Variants in UPRT observed in about 807,000 individuals in gnomAD.
UPRT encodes uracil phosphoribosyltransferase homolog.
In UPRT, 5 loss-of-function variants were observed where a neutral mutation model predicts 22.6. That is an observed-to-expected ratio of 0.22 (90% CI 0.12 to 0.47). The LOEUF (loss-of-function observed/expected upper bound fraction) is 0.47, where lower values mean the gene tolerates loss of function less well. Ranked by LOEUF, UPRT falls within the 20% of genes least tolerant of loss-of-function variation. The pLI is 0.99. For missense variants in UPRT, 181 were observed against 239.9 expected (o/e 0.75, Z 1.62); for synonymous variants, 77 against 87.7 (o/e 0.88, Z 0.68).
chrX:75,191,474 T>TGCTGAGAGAACCAC (rs61284215), intron 4 of UPRT, among the ~76,000 whole-genome samples: 5 of 106,292 alleles, frequency 4.7e-5, no homozygotes, highest in African/African-American at 1.7e-4. Flanking sequence ...TCAAACTCTG[T>TGCTGAGAGAACCAC]TACTCTCTTC....
chrX:75,172,576 A>C (rs2147604503), intron 4 of UPRT, among the ~76,000 whole-genome samples: 1 of 111,940 alleles, frequency 8.9e-6, no homozygotes, highest in African/African-American at 3.2e-5. Context: ...CACTGACTTC[A>C]AGAATGAAGC....
At chrX:75,282,461 C>A (rs1272915123) in intron 1 of UPRT, among the ~76,000 whole-genome samples, 1 of 110,533 alleles carries the variant, frequency 9.0e-6, no homozygotes, top group Non-Finnish European at 1.9e-5. Context: ...GAGGTTGTGT[C>A]ATTATTTGGG....
At chrX:75,185,615 C>T (rs2082287339) in intron 4 of UPRT, among the ~76,000 whole-genome samples, 2 of 111,923 alleles carry the variant, frequency 1.8e-5, no homozygotes, top group Non-Finnish European at 3.8e-5. Flanking sequence ...CCTCCTTGTA[C>T]CTCTGGTAGA....
chrX:75,232,098 G>C (rs966564881), intron 4 of UPRT, among the ~76,000 whole-genome samples: 1 of 111,417 alleles, frequency 9.0e-6, no homozygotes, highest in Non-Finnish European at 1.9e-5. Context: ...TGCATGAGCC[G>C]AAGCAGGGCG....
At chrX:75,273,302 C>T (rs781655308), upstream of UPRT, among the ~76,000 whole-genome samples, 2 of 109,129 alleles carry the variant, frequency 1.8e-5, no homozygotes, top group South Asian at 8.0e-4. Flanking sequence ...TGTAACAAAC[C>T]TGCACATATA....
chrX:75,250,640 G>T, intron 4 of UPRT, among the ~76,000 whole-genome samples: 1 of 111,114 alleles, frequency 9.0e-6, no homozygotes, highest in Non-Finnish European at 1.9e-5. Flanking sequence ...GTACAAGGAG[G>T]AGCTGGTACC....
At chrX:75,180,002 C>T (rs751621108) in intron 4 of UPRT, among the ~76,000 whole-genome samples, 2 of 112,654 alleles carry the variant, frequency 1.8e-5, no homozygotes, top group South Asian at 3.7e-4. Flanking sequence ...CCTCAAATGC[C>T]GCCAAACTGG....
intron 4 of UPRT, among the ~76,000 whole-genome samples, chrX:75,239,358 GA>G (rs1602468349): frequency 9.0e-6 from 1 of 110,959 alleles, no homozygotes; most frequent in African/African-American, 3.3e-5. Context: ...GAAAACTAGA[GA>G]AGGATACATT....
chrX:75,250,399 A>C (rs1414222934), intron 4 of UPRT, among the ~76,000 whole-genome samples: 1 of 111,244 alleles, frequency 9.0e-6, no homozygotes, highest in East Asian at 2.8e-4. Flanking sequence ...ATCCCACAGA[A>C]ATACAAACTA....
chrX:75,187,373 A>G (rs1289418347), intron 4 of UPRT, among the ~76,000 whole-genome samples: 2 of 111,477 alleles, frequency 1.8e-5, no homozygotes, highest in Non-Finnish European at 3.8e-5. Context: ...TGGCTTGTAG[A>G]GTTTCTGCCG....
chrX:75,178,698 C>T (rs2082258312), intron 4 of UPRT, among the ~76,000 whole-genome samples: 1 of 110,102 alleles, frequency 9.1e-6, no homozygotes, highest in Admixed American at 9.6e-5. Context: ...TTTGTTCCTC[C>T]CGGTGGGCTC....
intron 4 of UPRT, among the ~76,000 whole-genome samples, chrX:75,207,337 G>A (rs187055026): frequency 1.3e-4 from 15 of 112,058 alleles, no homozygotes; most frequent in African/African-American, 4.9e-4. Flanking sequence ...GTATTATGGG[G>A]TGAAAGAGCA....
chrX:75,207,743 G>A (rs749445428), intron 4 of UPRT, among the ~76,000 whole-genome samples: 10 of 111,477 alleles, frequency 9.0e-5, no homozygotes, highest in East Asian at 2.8e-4. Flanking sequence ...CAATGTGACC[G>A]CACCCAATAT....
chrX:75,247,558 T>C (rs751324250), intron 4 of UPRT, among the ~76,000 whole-genome samples: 2 of 111,952 alleles, frequency 1.8e-5, no homozygotes, highest in Non-Finnish European at 3.8e-5. Flanking sequence ...TGCCGAGGCT[T>C]GACTAGGTAA....
chrX:75,231,726 A>C, intron 4 of UPRT, among the ~76,000 whole-genome samples: 1 of 112,197 alleles, frequency 8.9e-6, no homozygotes, highest in Non-Finnish European at 1.9e-5. Context: ...TATGAAGAAA[A>C]ACCTGTAAGA....
At chrX:75,210,804 A>C (rs1352400451) in intron 4 of UPRT, among the ~76,000 whole-genome samples, 2 of 110,542 alleles carry the variant, frequency 1.8e-5, no homozygotes, top group African/African-American at 6.6e-5. Flanking sequence ...AGAGAGAGAG[A>C]GCTGCAAACA....
intron 4 of UPRT, among the ~76,000 whole-genome samples, chrX:75,236,059 A>T (rs184949803): frequency 7.3e-4 from 81 of 111,331 alleles, no homozygotes; most frequent in African/African-American, 2.5e-3. Context: ...CCATTGTCTG[A>T]GCCCAAAATC....
chrX:75,294,611 G>A (rs759871355), intron 2 of UPRT: 1 of 980,312 alleles, frequency 1.0e-6, no homozygotes, highest in African/African-American at 1.9e-5. Flanking sequence ...CTCCTGTTCT[G>A]CTTTTCATCG....
chrX:75,200,341 C>T (rs746135378), intron 4 of UPRT, among the ~76,000 whole-genome samples: 10 of 112,340 alleles, frequency 8.9e-5, no homozygotes, highest in South Asian at 3.7e-4. Flanking sequence ...TGCCTGTAAT[C>T]CCAGCACTTT....
Sources: allele counts gnomAD v4.1 joint callset (sites outside exome capture counted in the v4.1 genomes callset), GRCh38; gene constraint gnomAD v4.1.1; transcripts MANE v1.5; gene names NCBI Gene and HGNC (gene_info 2026-07-23, HGNC 2026-07-21).